RNF24: variants seen among roughly 807,000 people sequenced by gnomAD.
RNF24 encodes the protein ring finger protein 24.
In RNF24, 14 loss-of-function variants were observed where a neutral mutation model predicts 20.0. The observed-to-expected ratio is 0.70, with a 90% CI of 0.46 to 1.10. The LOEUF (loss-of-function observed/expected upper bound fraction) is 1.10. Among genes scored for constraint, RNF24 ranks in the 50% least tolerant of loss-of-function variants. RNF24 has a pLI of 0.00. For missense variants in RNF24, 124 were observed against 177.6 expected (o/e 0.70, Z 1.71); for synonymous variants, 45 against 61.1 (o/e 0.74, Z 1.23).
intron 1 of RNF24, among the ~76,000 whole-genome samples, chr20:4,001,775 A>T (rs1981412904): frequency 6.6e-6 from 1 of 151,962 alleles, no homozygotes; most frequent in African/African-American, 2.4e-5. Flanking sequence ...ATCTCTATAA[A>T]ACTTAAAAAA....
intron 1 of RNF24, among the ~76,000 whole-genome samples, chr20:4,011,332 A>T (rs1453247563): frequency 6.6e-6 from 1 of 152,244 alleles, no homozygotes; most frequent in Non-Finnish European, 1.5e-5. Flanking sequence ...TCAGGAAGGA[A>T]TTTCAGATTT....
intron 1 of RNF24, among the ~76,000 whole-genome samples, chr20:3,976,260 G>A (rs1399384657): frequency 2.0e-5 from 3 of 152,166 alleles, no homozygotes; most frequent in Admixed American, 2.0e-4. Flanking sequence ...TGGTAAATAA[G>A]TACATAAACG....
intron 1 of RNF24, among the ~76,000 whole-genome samples, chr20:3,982,559 A>C (rs1176891462): frequency 7.0e-6 from 1 of 141,934 alleles, no homozygotes; most frequent in Non-Finnish European, 1.5e-5. Flanking sequence ...AGCCTAGGCA[A>C]CAGGGTGAGA....
intron 4 of RNF24, among the ~76,000 whole-genome samples, chr20:3,944,109 C>T (rs2090989057): frequency 6.6e-6 from 1 of 150,740 alleles, no homozygotes; most frequent in African/African-American, 2.4e-5. Flanking sequence ...ACTCGACAGG[C>T]TGAAGCAGGA....
chr20:3,989,215 G>A (rs1478674855), intron 1 of RNF24, among the ~76,000 whole-genome samples: 1 of 152,164 alleles, frequency 6.6e-6, no homozygotes, highest in Non-Finnish European at 1.5e-5. Context: ...AACCTGGCCG[G>A]GCACGGTGGC....
In RNF24 at chr20:3,931,903, G is replaced by A. The variant is rs1298524028; in HGVS notation, c.*2160C>T. On this transcript the variant is annotated 3_prime_UTR_variant, in exon 6 of 6. Coordinates refer to ENST00000358395, the MANE Select transcript of RNF24 (RefSeq NM_001134337.3). ...CTCAACATGCCTGTGGCTCTGACAC[G>A]GGGGGATGAATTAACTTGCCTCTGT... 2 of 152,202 alleles carry A rather than the reference G, an allele frequency of 1.3e-5. No homozygotes were observed. The highest frequency in any genetic ancestry group is 1.5e-5 in the Non-Finnish European group (1 of 68,038). 9.4% of individuals were successfully genotyped at this position (152,202 alleles called of 1,614,324 possible).
chr20:4,010,048 CACAAACAAACAAACAAACAA>C lies in RNF24; in HGVS notation c.-8+5369_-8+5388del, dbSNP rs11468648. Among the ~76,000 whole-genome samples, 262 of 147,464 alleles carry C rather than the reference CACAAACAAACAAACAAACAA, an allele frequency of 1.8e-3. 1 individual carries two copies. The highest frequency in any genetic ancestry group is 6.0e-3 in the African/African-American group (239 of 39,624). On this transcript the variant is annotated intron_variant, in intron 1 of 5. Coordinates refer to ENST00000358395, the MANE Select transcript of RNF24 (RefSeq NM_001134337.3). ...CCTGGGTGAAAGAGTGAGACCCTGT[CACAAACAAACAAACAAACAA>C]ACAAACAAACAAACAAACAAACAAG...
intron 1 of RNF24, among the ~76,000 whole-genome samples, chr20:3,994,269 T>A (rs1980686994): frequency 6.6e-6 from 1 of 151,914 alleles, no homozygotes; most frequent in South Asian, 2.1e-4. Flanking sequence ...AAAAAGAAAA[T>A]CACTCTTTAA....
intron 2 of RNF24, 39 bp downstream of exon 2, chr20:3,963,836 T>C (rs2091228749): frequency 6.8e-7 from 1 of 1,461,954 alleles, no homozygotes; most frequent in East Asian, 2.3e-5. Flanking sequence ...ATTGATTATT[T>C]AACATATTTT....
At chr20:4,011,671 C>A (rs1284611951) in intron 1 of RNF24, among the ~76,000 whole-genome samples, 11 of 152,106 alleles carry the variant, frequency 7.2e-5, no homozygotes, top group Non-Finnish European at 1.3e-4. Flanking sequence ...ACCAAACAAA[C>A]AAAAGAGGCA....
chr20:3,943,483 C>A lies in RNF24; in HGVS notation c.228+1694G>T, dbSNP rs1289583872. On this transcript the variant is annotated intron_variant, in intron 4 of 5. Coordinates refer to ENST00000358395, the MANE Select transcript of RNF24 (RefSeq NM_001134337.3). ...AGACAGTGTGGTACTGATGAAGAAA[C>A]AGGCACACAAATCAAGAGAATATAA... Among the ~76,000 whole-genome samples, 7 of 152,214 alleles carry A rather than the reference C, an allele frequency of 4.6e-5. No individual in the cohort carries two copies. The South Asian group carries it at 1.2e-3, about 27-fold the overall frequency.
intron 1 of RNF24, among the ~76,000 whole-genome samples, chr20:3,978,499 GC>G (rs548443499): frequency 4.8e-4 from 73 of 151,978 alleles, no homozygotes; most frequent in African/African-American, 1.7e-3. Flanking sequence ...AATATCATGT[GC>G]CCCCAAAATA....
intron 2 of RNF24, among the ~76,000 whole-genome samples, chr20:3,961,374 G>A (rs1427792460): frequency 6.6e-6 from 1 of 150,422 alleles, no homozygotes; most frequent in African/African-American, 2.4e-5. Flanking sequence ...TCCAGCCTGG[G>A]TGACAGAGTG....
chr20:3,973,497 T>A (rs1978557971), intron 1 of RNF24, among the ~76,000 whole-genome samples: 2 of 22,106 alleles, frequency 9.0e-5, no homozygotes, highest in Admixed American at 7.1e-4. Context: ...CTAGGAAGAA[T>A]GACAAAAAAA....
At chr20:4,003,032 C>T (rs6116147) in intron 1 of RNF24, among the ~76,000 whole-genome samples, 2,070 of 152,282 alleles carry the variant, frequency 0.014, 59 homozygotes, top group African/African-American at 0.048. Flanking sequence ...TGCAGTGGCG[C>T]GATCTCAGAA....
Position 3,956,037 on chromosome 20 carries a change from A to C in RNF24, c.144-7758T>G, listed in dbSNP as rs184377858. Among the ~76,000 whole-genome samples the C allele has an allele frequency of 1.2e-3, 178 of 152,110 alleles. 2 individuals carry two copies. The highest frequency in any genetic ancestry group is 3.9e-3 in the African/African-American group (161 of 41,514). On this transcript the variant is annotated intron_variant, in intron 2 of 5. Coordinates refer to ENST00000358395, the MANE Select transcript of RNF24 (RefSeq NM_001134337.3). ...AGTAGTTTTTTTTGTGTGTGTGTGG[A>C]TCCTACGGGATTTTCTCTGTATAGG... is the stretch of plus-strand genomic sequence containing the variant.
intron 1 of RNF24, among the ~76,000 whole-genome samples, chr20:4,008,397 T>TA (rs1982095920): frequency 1.2e-3 from 6 of 5,174 alleles, no homozygotes; most frequent in Non-Finnish European, 3.9e-3. Context: ...ATATTATATA[T>TA]GTAATATGTA....
At chr20:3,945,431 T>C (rs1267908517) in intron 3 of RNF24, among the ~76,000 whole-genome samples, 1 of 152,110 alleles carries the variant, frequency 6.6e-6, no homozygotes, top group Non-Finnish European at 1.5e-5. Context: ...AAAAGGAATT[T>C]TGGCCGAGCA....
At chr20:4,004,093 A>T (rs780728034) in intron 1 of RNF24, among the ~76,000 whole-genome samples, 14 of 152,170 alleles carry the variant, frequency 9.2e-5, no homozygotes, top group Non-Finnish European at 1.9e-4. Flanking sequence ...ACTTTAGTCA[A>T]ATGCATTAGT....
Sources: gnomAD v4.1 joint callset for allele counts (sites outside exome capture counted in the v4.1 genomes callset) on GRCh38, gnomAD v4.1.1 for gene constraint, MANE v1.5 for transcripts, NCBI Gene and HGNC (gene_info 2026-07-23, HGNC 2026-07-21) for gene names.